The following ACAP2 variants were observed in gnomAD, a reference collection of about 807,000 sequenced individuals.
ACAP2 encodes arf-GAP with coiled-coil, ANK repeat and PH domain-containing protein 2.
ACAP2 carries 39 observed loss-of-function variants against 115.8 expected under a neutral mutation model. The observed-to-expected ratio is 0.34, with a 90% CI of 0.26 to 0.44. The LOEUF is 0.44. Ranked by LOEUF, ACAP2 falls within the 20% of genes least tolerant of loss-of-function variation. The probability of loss-of-function intolerance (pLI) is 1.00; values close to 1 mark genes in which losing one functional copy is unlikely to be tolerated. For synonymous variants in ACAP2, 289 were observed against 315.8 expected (o/e 0.92, Z 0.90); for missense variants, 662 against 927.6 (o/e 0.71, Z 3.72).
At chr3:195,304,369 C>T (rs1003025140) in intron 13 of ACAP2, among the ~76,000 whole-genome samples, 5 of 152,042 alleles carry the variant, frequency 3.3e-5, no homozygotes, top group Non-Finnish European at 7.4e-5. Flanking sequence ...GTTTTTGCAC[C>T]AAATTAGAGA....
intron 1 of ACAP2, among the ~76,000 whole-genome samples, chr3:195,414,744 T>G (rs1308570043): frequency 6.6e-6 from 1 of 152,192 alleles, no homozygotes; most frequent in Non-Finnish European, 1.5e-5. Flanking sequence ...GATTTTGAAT[T>G]CATGGATTAG....
chr3:195,408,132 T>A (rs1712943882), intron 1 of ACAP2, among the ~76,000 whole-genome samples: 1 of 152,146 alleles, frequency 6.6e-6, no homozygotes, highest in Non-Finnish European at 1.5e-5. Flanking sequence ...CTGAATAGAC[T>A]TATAACTAGT....
At chr3:195,356,084 G>C in intron 4 of ACAP2, 1 of 456,522 alleles carries the variant, frequency 2.2e-6, no homozygotes, top group Non-Finnish European at 4.4e-6. Flanking sequence ...ATTGCTGAAA[G>C]AGGCAGTGAA....
intron 1 of ACAP2, among the ~76,000 whole-genome samples, chr3:195,412,405 C>A (rs973171515): frequency 6.7e-6 from 1 of 150,300 alleles, no homozygotes; most frequent in African/African-American, 2.4e-5. Context: ...CATGGTGAAA[C>A]CCCATCTCTA....
chr3:195,355,272 C>A (rs901315987), intron 4 of ACAP2, among the ~76,000 whole-genome samples: 1 of 97,024 alleles, frequency 1.0e-5, no homozygotes, highest in Non-Finnish European at 1.9e-5. Flanking sequence ...TAATTCTTTT[C>A]TTTTTCTTCT....
intron 1 of ACAP2, among the ~76,000 whole-genome samples, chr3:195,408,170 C>A (rs922039067): frequency 9.9e-5 from 15 of 152,108 alleles, no homozygotes; most frequent in African/African-American, 3.6e-4. Flanking sequence ...CATCGAAAAT[C>A]TCCAAAACAG....
At chr3:195,442,650 C>G (rs1051271388) in intron 1 of ACAP2, 145 bp downstream of exon 1, 3 of 821,594 alleles carry the variant, frequency 3.7e-6, no homozygotes, top group Non-Finnish European at 5.5e-6. Flanking sequence ...AGTGCCCTCG[C>G]AGGGTGGGAA....
At chr3:195,386,941 G>C (rs925339240) in intron 2 of ACAP2, among the ~76,000 whole-genome samples, 1 of 152,174 alleles carries the variant, frequency 6.6e-6, no homozygotes, top group Non-Finnish European at 1.5e-5. Context: ...CAGCATTCCA[G>C]ATTTCAAAGA....
intron 1 of ACAP2, among the ~76,000 whole-genome samples, chr3:195,411,280 T>A (rs1480300461): frequency 6.6e-6 from 1 of 152,170 alleles, no homozygotes; most frequent in Non-Finnish European, 1.5e-5. Context: ...CACTTCTGAG[T>A]ATATACTCAA....
intron 1 of ACAP2, among the ~76,000 whole-genome samples, chr3:195,416,279 G>A (rs1445594885): frequency 6.6e-6 from 1 of 151,906 alleles, no homozygotes; most frequent in Non-Finnish European, 1.5e-5. Context: ...CCAGGAGGCG[G>A]AGGCTGCAGT....
chr3:195,342,681 T>C, intron 5 of ACAP2, 27 bp from the exon 6 acceptor site: 1 of 1,557,110 alleles, frequency 6.4e-7, no homozygotes, highest in East Asian at 2.2e-5. Context: ...TTAGTGAAAC[T>C]TTTATAACTT....
At chr3:195,418,177 C>T (rs910524684) in intron 1 of ACAP2, among the ~76,000 whole-genome samples, 4 of 152,160 alleles carry the variant, frequency 2.6e-5, no homozygotes, top group South Asian at 2.1e-4. Context: ...ATTCCAAATT[C>T]GTCTTTCACC....
intron 2 of ACAP2, among the ~76,000 whole-genome samples, chr3:195,384,901 A>G (rs1734191380): frequency 6.6e-6 from 1 of 152,202 alleles, no homozygotes; most frequent in African/African-American, 2.4e-5. Flanking sequence ...AAAAGTTTCC[A>G]TAAAAACAAA....
In ACAP2 at chr3:195,274,788, G is replaced by C. The variant is rs1226220415; in HGVS notation, c.*4540C>G. The C allele has an allele frequency of 3.9e-5, 6 of 152,410 alleles. No individual in the cohort carries two copies. The highest frequency in any genetic ancestry group is 3.9e-4 in the Admixed American group (6 of 15,246). The allele number at this position is 152,410 out of a possible 1,614,324, so 9.4% of individuals were successfully genotyped here. On this transcript the variant is annotated 3_prime_UTR_variant, in exon 23 of 23. Transcript: ENST00000326793. ...TTTATTGACTTATTGTAATTTTTTG[G>C]CATACAAATTACTTAAGTATATTTA...
intron 10 of ACAP2, among the ~76,000 whole-genome samples, chr3:195,315,064 A>G (rs1424997463): frequency 6.6e-6 from 1 of 152,238 alleles, no homozygotes; most frequent in Non-Finnish European, 1.5e-5. Context: ...CCCAGGCTGG[A>G]GTGCAGACGC....
At chr3:195,343,736 T>C (rs1235151869) in intron 5 of ACAP2, among the ~76,000 whole-genome samples, 1 of 152,252 alleles carries the variant, frequency 6.6e-6, no homozygotes, top group African/African-American at 2.4e-5. Flanking sequence ...ATTAATGATC[T>C]TAGTCACATA....
chr3:195,398,593 C>T (rs544619838), intron 1 of ACAP2, among the ~76,000 whole-genome samples: 1 of 151,906 alleles, frequency 6.6e-6, no homozygotes, highest in East Asian at 1.9e-4. Flanking sequence ...GCCAAGATCA[C>T]ACCATTGCAC....
chr3:195,359,492 G>C lies in ACAP2; in HGVS notation c.286-14175C>G, dbSNP rs190759890. Reference sequence around the variant, plus strand: ...TTGTTTGTTTGTTTGTTTTGAGACAGAGTCTCGCTCTGTCACCCAGGCTGG... The same window carrying C: ...TTGTTTGTTTGTTTGTTTTGAGACACAGTCTCGCTCTGTCACCCAGGCTGG... On this transcript the variant is annotated intron_variant, in intron 4 of 22. Coordinates refer to ENST00000326793, the MANE Select transcript of ACAP2 (RefSeq NM_012287.6). Among the ~76,000 whole-genome samples the C allele has an allele frequency of 9.3e-4, 142 of 152,340 alleles. 2 individuals carry two copies. The highest frequency in any genetic ancestry group is 3.2e-3 in the African/African-American group (131 of 41,582).
chr3:195,391,320 C>T (rs1028425147), intron 2 of ACAP2, among the ~76,000 whole-genome samples: 1 of 150,002 alleles, frequency 6.7e-6, no homozygotes, highest in Non-Finnish European at 1.5e-5. Context: ...ACCTCCACTT[C>T]CCCAGCTCAA....
Sources: allele counts gnomAD v4.1 joint callset (sites outside exome capture counted in the v4.1 genomes callset), GRCh38; gene constraint gnomAD v4.1.1; transcripts MANE v1.5; gene names NCBI Gene and HGNC (gene_info 2026-07-23, HGNC 2026-07-21).